DPP6: variants seen among roughly 807,000 people sequenced by gnomAD.
The protein encoded by DPP6 is A-type potassium channel modulatory protein DPP6.
A neutral mutation model predicts 122.6 loss-of-function variants in DPP6; 69 were observed. The ratio of observed to expected loss-of-function variants is 0.56; its 90% CI spans 0.46 to 0.69. The LOEUF is 0.69. Among genes scored for constraint, DPP6 ranks in the 30% least tolerant of loss-of-function variants. DPP6 has a pLI of 0.00. For synonymous variants in DPP6, 418 were observed against 433.1 expected (o/e 0.97, Z 0.43); for missense variants, 928 against 1,116.9 (o/e 0.83, Z 2.41).
intron 5 of DPP6, among the ~76,000 whole-genome samples, chr7:154,581,018 T>C (rs1017981893): frequency 2.6e-5 from 4 of 152,148 alleles, no homozygotes; most frequent in Non-Finnish European, 5.9e-5. Flanking sequence ...CTCTGTTCCC[T>C]CCGCTCCCAG....
At chr7:154,718,634 C>CT (rs542191130) in intron 7 of DPP6, among the ~76,000 whole-genome samples, 1,523 of 111,456 alleles carry the variant, frequency 0.014, 18 homozygotes, top group African/African-American at 0.035. Context: ...CTTCCTCCTC[C>CT]TTTTTTTTTT....
chr7:154,117,826 T>C (rs1807108701), intron 1 of DPP6, among the ~76,000 whole-genome samples: 3 of 151,794 alleles, frequency 2.0e-5, no homozygotes, highest in Admixed American at 1.3e-4. Flanking sequence ...ATACCGTGTT[T>C]CTGAGCGAGG....
chr7:154,098,353 C>A (rs1255784896), intron 1 of DPP6, among the ~76,000 whole-genome samples: 1 of 152,124 alleles, frequency 6.6e-6, no homozygotes, highest in African/African-American at 2.4e-5. Context: ...AATTAAACCT[C>A]TTTTCTTTAT....
chr7:153,947,264 C>T (rs557899803), intron 1 of DPP6, among the ~76,000 whole-genome samples: 11 of 152,124 alleles, frequency 7.2e-5, no homozygotes, highest in Middle Eastern at 3.4e-3. Context: ...ATTTTAACAG[C>T]GGAAACCTAC....
intron 1 of DPP6, among the ~76,000 whole-genome samples, chr7:154,419,972 A>T (rs776618814): frequency 8.5e-5 from 13 of 152,198 alleles, no homozygotes; most frequent in Non-Finnish European, 1.6e-4. Flanking sequence ...AAACAATGTA[A>T]ATGCCTTTGA....
At chr7:154,581,373 G>A (rs1832057204) in intron 5 of DPP6, among the ~76,000 whole-genome samples, 1 of 152,124 alleles carries the variant, frequency 6.6e-6, no homozygotes. Context: ...GGACAGAAGA[G>A]TAAAGAGCCT....
At chr7:154,104,974 G>A (rs1327583680) in intron 1 of DPP6, among the ~76,000 whole-genome samples, 2 of 152,156 alleles carry the variant, frequency 1.3e-5, no homozygotes, top group African/African-American at 4.8e-5. Flanking sequence ...TGTAAGATCA[G>A]GTTTGAGGCT....
chr7:154,649,204 A>G (rs570045637), intron 6 of DPP6, among the ~76,000 whole-genome samples: 1 of 152,280 alleles, frequency 6.6e-6, no homozygotes, highest in East Asian at 1.9e-4. Flanking sequence ...GTGTTGTGAC[A>G]GGTGTCTGCA....
intron 1 of DPP6, among the ~76,000 whole-genome samples, chr7:154,366,471 T>C (rs184076428): frequency 2.0e-5 from 3 of 152,324 alleles, no homozygotes; most frequent in Admixed American, 2.0e-4. Context: ...GCACAGTGGT[T>C]CTCAGCTTCC....
intron 1 of DPP6, among the ~76,000 whole-genome samples, chr7:154,325,161 C>T (rs1808336892): frequency 6.6e-6 from 1 of 152,156 alleles, no homozygotes; most frequent in Admixed American, 6.5e-5. Flanking sequence ...GCCACCGTGC[C>T]TGGCCTACAG....
At chr7:154,834,035 C>T (rs1800835779) in intron 16 of DPP6, among the ~76,000 whole-genome samples, 1 of 152,100 alleles carries the variant, frequency 6.6e-6, no homozygotes, top group Admixed American at 6.6e-5. Context: ...CAAACAGAAA[C>T]AAGATGAAGA....
chr7:153,946,053 A>G (rs1041313789), intron 1 of DPP6, among the ~76,000 whole-genome samples: 3 of 152,210 alleles, frequency 2.0e-5, no homozygotes, highest in Non-Finnish European at 4.4e-5. Flanking sequence ...CATCAGAGGC[A>G]CAGACACAAG....
In DPP6 at chr7:154,285,349, C is replaced by G. The variant is rs549625351; in HGVS notation, c.244-160865C>G. On this transcript the variant is annotated intron_variant, in intron 1 of 25. Transcript: ENST00000377770. Reference sequence around the variant, plus strand: ...GCGCAGTCTTGGCTCATTGCAACCTCCACCTCCCAGGTTCAAGCGATTCTC... The same window carrying G: ...GCGCAGTCTTGGCTCATTGCAACCTGCACCTCCCAGGTTCAAGCGATTCTC... 5.9e-5 allele frequency among the ~76,000 whole-genome samples: 9 copies of G among 152,214 alleles called. No individual in the cohort carries two copies. In the East Asian group the frequency reaches 1.5e-3, roughly 26 times the overall value.
chr7:154,619,369 G>T (rs948985832), intron 5 of DPP6, among the ~76,000 whole-genome samples: 1 of 152,158 alleles, frequency 6.6e-6, no homozygotes, highest in Non-Finnish European at 1.5e-5. Flanking sequence ...CATGTTAATG[G>T]TATCTAGGTT....
intron 2 of DPP6, among the ~76,000 whole-genome samples, chr7:154,470,533 G>T (rs949838598): frequency 6.6e-6 from 1 of 152,104 alleles, no homozygotes; most frequent in Non-Finnish European, 1.5e-5. Flanking sequence ...CTAGTTTTCT[G>T]GTATTTAAAA....
chr7:154,131,237 C>T (rs1017525237), intron 1 of DPP6, among the ~76,000 whole-genome samples: 8 of 152,200 alleles, frequency 5.3e-5, no homozygotes, highest in African/African-American at 1.7e-4. Flanking sequence ...CTATTTTAAG[C>T]TGAAATTCTC....
chr7:154,060,760 CT>C, intron 1 of DPP6, among the ~76,000 whole-genome samples: 2 of 137,974 alleles, frequency 1.4e-5, no homozygotes, highest in African/African-American at 5.6e-5. Flanking sequence ...GAGCCAGTCC[CT>C]CTTCCCCCCC....
At chr7:154,421,174 A>G (rs1006859032) in intron 1 of DPP6, among the ~76,000 whole-genome samples, 2 of 152,050 alleles carry the variant, frequency 1.3e-5, no homozygotes, top group Non-Finnish European at 2.9e-5. Flanking sequence ...TTTCAGCATC[A>G]TTACAAGAAG....
intron 1 of DPP6, among the ~76,000 whole-genome samples, chr7:154,114,758 G>T (rs962551655): frequency 4.6e-5 from 7 of 152,132 alleles, no homozygotes; most frequent in African/African-American, 1.7e-4. Flanking sequence ...TCCACTTTTG[G>T]AAGTGTTCCA....
Sources: gnomAD v4.1 joint callset for allele counts (sites outside exome capture counted in the v4.1 genomes callset) on GRCh38, gnomAD v4.1.1 for gene constraint, MANE v1.5 for transcripts, NCBI Gene and HGNC (gene_info 2026-07-23, HGNC 2026-07-21) for gene names.